Variants in TNS3 observed in about 807,000 individuals in gnomAD.
The protein encoded by TNS3 is tensin 3, also known as tensin-3.
TNS3 carries 45 observed loss-of-function variants against 140.9 expected under a neutral mutation model. The observed-to-expected ratio is 0.32, with a 90% CI of 0.25 to 0.41. The LOEUF (loss-of-function observed/expected upper bound fraction) is 0.41. Among genes scored for constraint, TNS3 ranks in the 10% least tolerant of loss-of-function variants. TNS3 has a pLI of 1.00. For synonymous variants in TNS3, 815 were observed against 788.4 expected (o/e 1.03, Z -0.56); for missense variants, 1,716 against 1,906.7 (o/e 0.90, Z 1.86).
chr7:47,368,273 C>T, intron 17 of TNS3, 92 bp downstream of exon 17: 1 of 1,290,448 alleles, frequency 7.7e-7, no homozygotes, highest in Non-Finnish European at 1.0e-6. Context: ...TGGATTTCGC[C>T]AAAAGCTAAC....
At chr7:47,392,778 G>A (rs1792603843) in intron 16 of TNS3, among the ~76,000 whole-genome samples, 1 of 152,264 alleles carries the variant, frequency 6.6e-6, no homozygotes, top group Non-Finnish European at 1.5e-5. Context: ...AAGAGGGGCT[G>A]AGGAGGGCTG....
intron 3 of TNS3, among the ~76,000 whole-genome samples, chr7:47,492,875 A>G (rs1797864748): frequency 6.6e-6 from 1 of 152,136 alleles, no homozygotes; most frequent in South Asian, 2.1e-4. Flanking sequence ...GAGCAGGAGG[A>G]GCTCCCACTG....
chr7:47,470,613 C>T, intron 4 of TNS3: 1 of 985,416 alleles, frequency 1.0e-6, no homozygotes, highest in Non-Finnish European at 1.2e-6. Flanking sequence ...GGAAGAGATC[C>T]CCAGCGCAGA....
chr7:47,414,507 C>A (rs1793965508), intron 11 of TNS3, among the ~76,000 whole-genome samples: 1 of 152,040 alleles, frequency 6.6e-6, no homozygotes, highest in South Asian at 2.1e-4. Flanking sequence ...AGGGATAGGG[C>A]CCTGCTGACC....
chr7:47,414,880 C>T (rs1385922374), intron 11 of TNS3, among the ~76,000 whole-genome samples: 1 of 152,224 alleles, frequency 6.6e-6, no homozygotes, highest in Non-Finnish European at 1.5e-5. Context: ...TTGCTGGCCG[C>T]CAGTCCCTCC....
rs1190598090 is a variant in TNS3 at position 47,368,973 on chromosome 7, C to G, written c.1673G>C (p.Arg558Pro). The G allele has an allele frequency of 6.2e-7, 1 of 1,613,696 alleles. No individual in the cohort carries two copies. Among genetic ancestry groups the G allele is most frequent in the Non-Finnish European group, 8.5e-7 (1 of 1,179,990 alleles). Residue 558 changes from arginine (R) to proline (P), a missense_variant, in exon 17 of 31, where the codon CGA becomes CCA. By Grantham distance (103) the Arg-to-Pro change is moderately radical. Transcript: ENST00000311160. ...CAGGGGCTGGGGCTGCTTGGGCTCT[C>G]GACTCCCAAAAGTCCGCTCCCGCTC... ...PYERERTFGS[R>P]EPKQPQPLLR...
chr7:47,449,616 T>C (rs988333755), intron 4 of TNS3, among the ~76,000 whole-genome samples: 8 of 152,298 alleles, frequency 5.3e-5, no homozygotes, highest in Non-Finnish European at 1.2e-4. Flanking sequence ...TTGTTTTTGT[T>C]TGTTTGTTTG....
intron 13 of TNS3, among the ~76,000 whole-genome samples, chr7:47,409,011 C>A (rs1385001873): frequency 6.6e-6 from 1 of 151,760 alleles, no homozygotes; most frequent in Non-Finnish European, 1.5e-5. Context: ...GGGCCTAGAG[C>A]AAGCATAGCA....
chr7:47,362,886 C>G (rs2151102579), intron 17 of TNS3, among the ~76,000 whole-genome samples: 1 of 145,656 alleles, frequency 6.9e-6, no homozygotes, highest in South Asian at 2.3e-4. Flanking sequence ...TCACAGTCAT[C>G]ACCATCACCA....
intron 13 of TNS3, among the ~76,000 whole-genome samples, chr7:47,408,180 G>A (rs1232849766): frequency 1.3e-5 from 2 of 152,148 alleles, no homozygotes; most frequent in Non-Finnish European, 2.9e-5. Flanking sequence ...AGGGCTGCAG[G>A]TGGGACACTG....
intron 16 of TNS3, among the ~76,000 whole-genome samples, chr7:47,374,251 G>A (rs1361714556): frequency 6.6e-6 from 1 of 152,178 alleles, no homozygotes; most frequent in East Asian, 1.9e-4. Flanking sequence ...TGGAACCAGG[G>A]GCACAAAGAT....
intron 4 of TNS3, among the ~76,000 whole-genome samples, chr7:47,449,895 C>T (rs1166540353): frequency 1.3e-5 from 2 of 152,218 alleles, no homozygotes; most frequent in African/African-American, 2.4e-5. Flanking sequence ...CGTGAGCCAC[C>T]ACGCCCAGCC....
At chr7:47,466,763 G>C (rs927171706) in intron 4 of TNS3, among the ~76,000 whole-genome samples, 5 of 152,206 alleles carry the variant, frequency 3.3e-5, no homozygotes, top group Non-Finnish European at 7.3e-5. Flanking sequence ...CCTAGAGCCA[G>C]ACAGTCATTT....
chr7:47,300,014 C>T (rs1786297665), intron 23 of TNS3, among the ~76,000 whole-genome samples: 1 of 152,196 alleles, frequency 6.6e-6, no homozygotes. Context: ...ACTTTAAGGT[C>T]CTCTTTTCCT....
At chr7:47,322,629 G>A (rs1373406133) in intron 20 of TNS3, among the ~76,000 whole-genome samples, 1 of 152,042 alleles carries the variant, frequency 6.6e-6, no homozygotes, top group Non-Finnish European at 1.5e-5. Flanking sequence ...ATTAGAAAAA[G>A]AAAAAAGAAA....
At chr7:47,507,445 G>A (rs934639792) in intron 2 of TNS3, among the ~76,000 whole-genome samples, 1 of 152,190 alleles carries the variant, frequency 6.6e-6, no homozygotes, top group African/African-American at 2.4e-5. Context: ...CTTTAAATTT[G>A]TGAGAAAGTC....
At chr7:47,357,811 G>C (rs1244521291) in intron 17 of TNS3, among the ~76,000 whole-genome samples, 4 of 152,164 alleles carry the variant, frequency 2.6e-5, no homozygotes, top group Admixed American at 1.3e-4. Flanking sequence ...TTTCCACTGG[G>C]AAACACTGAA....
At chr7:47,483,209 A>G (rs1459848800) in intron 3 of TNS3, among the ~76,000 whole-genome samples, 1 of 148,954 alleles carries the variant, frequency 6.7e-6, no homozygotes, top group Non-Finnish European at 1.5e-5. Context: ...TCACTCTGTC[A>G]CCCAGGCTAG....
chr7:47,496,865 G>A (rs1229617998), intron 3 of TNS3, among the ~76,000 whole-genome samples: 1 of 152,212 alleles, frequency 6.6e-6, no homozygotes, highest in Non-Finnish European at 1.5e-5. Flanking sequence ...GGTGAGCCAA[G>A]GCAGGGTGAG....
Sources: allele counts gnomAD v4.1 joint callset (sites outside exome capture counted in the v4.1 genomes callset), GRCh38; gene constraint gnomAD v4.1.1; transcripts MANE v1.5; gene names NCBI Gene and HGNC (gene_info 2026-07-23, HGNC 2026-07-21).